The following GPR158 variants were observed in gnomAD, a reference collection of about 807,000 sequenced individuals.
The protein encoded by GPR158 is G protein-coupled receptor 158.
A neutral mutation model predicts 78.2 loss-of-function variants in GPR158; 30 were observed. That is an observed-to-expected ratio of 0.38 (90% CI 0.29 to 0.52). GPR158 has a LOEUF of 0.52. GPR158 is among the 20% of genes least tolerant of loss of function. The pLI, the probability that GPR158 is intolerant of heterozygous loss-of-function variation, is 0.83. For missense variants in GPR158, 1,463 were observed against 1,523.5 expected (o/e 0.96, Z 0.66); for synonymous variants, 581 against 591.1 (o/e 0.98, Z 0.25).
In GPR158 at chr10:25,431,195, G is replaced by C. The variant is rs1297576341; in HGVS notation, c.1335+18722G>C. ...AAAACAACCCCATCAAAAATTGGGC[G>C]AAGGACATGAACAGACAGTTCTCAA... is the stretch of plus-strand genomic sequence containing the variant. On this transcript the variant is annotated intron_variant, in intron 4 of 10. Coordinates refer to ENST00000376351, the MANE Select transcript of GPR158 (RefSeq NM_020752.3). 2.8e-5 allele frequency among the ~76,000 whole-genome samples: 2 copies of C among 71,352 alleles called. 1 individual carries two copies. The highest frequency in any genetic ancestry group is 8.5e-5 in the African/African-American group (2 of 23,608). The allele number at this position is 71,352 out of a possible 152,430, so 46.8% of individuals were successfully genotyped here. A position where few individuals can be genotyped will look rare whatever the true frequency, so the allele number is the denominator to read the frequency against.
rs1483788777 is a variant in GPR158 at position 25,598,959 on chromosome 10, T to C, written c.3333T>C (p.Asn1111=). The C allele has an allele frequency of 6.2e-7, 1 of 1,614,022 alleles. No homozygotes were observed. The highest frequency in any genetic ancestry group is 1.1e-5 in the South Asian group (1 of 91,074). The change falls in exon 11 of 11, where the codon AAT becomes AAC. Residue 1111 remains asparagine (N), a synonymous_variant. Coordinates refer to ENST00000376351, the MANE Select transcript of GPR158 (RefSeq NM_020752.3). The part of the protein sequence containing the change: ...EENGGQPRAA[N]VCAGQSEELP... ...ACGGAGGTCAGCCTCGTGCAGCCAA[T>C]GTGTGTGCTGGGCAGAGCGAAGAAC...
At chr10:25,243,764 T>C (rs180888996) in intron 2 of GPR158, among the ~76,000 whole-genome samples, 2 of 152,338 alleles carry the variant, frequency 1.3e-5, no homozygotes, top group East Asian at 3.9e-4. Flanking sequence ...AGAGATATGA[T>C]GCCTGAACTA....
chr10:25,296,602 A>G (rs981669934), intron 2 of GPR158, among the ~76,000 whole-genome samples: 2 of 151,948 alleles, frequency 1.3e-5, no homozygotes, highest in African/African-American at 2.4e-5. Flanking sequence ...TAGTACCAAA[A>G]TGAGTACCCA....
intron 5 of GPR158, among the ~76,000 whole-genome samples, chr10:25,497,028 G>A (rs1331440217): frequency 1.3e-5 from 2 of 152,148 alleles, no homozygotes; most frequent in African/African-American, 4.8e-5. Flanking sequence ...GGGCCAAGGA[G>A]GTGAGGAAAA....
chr10:25,516,937 A>C (rs1564477076), intron 5 of GPR158, among the ~76,000 whole-genome samples: 1 of 146,762 alleles, frequency 6.8e-6, no homozygotes, highest in Non-Finnish European at 1.5e-5. Context: ...TGGGGATGGC[A>C]TTGAATCTGC....
intron 5 of GPR158, among the ~76,000 whole-genome samples, chr10:25,493,011 A>C (rs1835832078): frequency 1.3e-5 from 2 of 152,068 alleles, no homozygotes; most frequent in Non-Finnish European, 2.9e-5. Context: ...TAGCATTTAC[A>C]AAGAGTAAAA....
chr10:25,307,993 A>G (rs1439927294), intron 2 of GPR158, among the ~76,000 whole-genome samples: 1 of 151,292 alleles, frequency 6.6e-6, no homozygotes, highest in Admixed American at 6.6e-5. Flanking sequence ...GTGATTTTAC[A>G]TTCATACCAG....
At position 25,241,193 on chromosome 10, in the gene GPR158, T is replaced by TCTTTCTTTC. The variant is rs1482492426; in HGVS notation, c.1008+20059_1008+20067dup. ...TCTTTCTTTCTTTCTTTCTTTCCTT[T>TCTTTCTTTC]CTTTCTTTCCTTTCTTTCCTTTCTT... On this transcript the variant is annotated intron_variant, in intron 2 of 10. Transcript: ENST00000376351. Among the ~76,000 whole-genome samples the TCTTTCTTTC allele has an allele frequency of 1.8e-3, 183 of 101,602 alleles. 1 individual carries two copies. The highest frequency in any genetic ancestry group is 6.7e-3 in the African/African-American group (119 of 17,892). The allele number at this position is 101,602 out of a possible 152,430, so 66.7% of individuals were successfully genotyped here.
At chr10:25,448,479 C>T (rs531406650) in intron 4 of GPR158, among the ~76,000 whole-genome samples, 2 of 152,228 alleles carry the variant, frequency 1.3e-5, no homozygotes, top group African/African-American at 4.8e-5. Flanking sequence ...GGAGTATTTA[C>T]TTTATGAATG....
intron 5 of GPR158, chr10:25,475,518 G>A (rs1835570981): frequency 1.3e-5 from 2 of 152,068 alleles, no homozygotes; most frequent in South Asian, 4.1e-4. Flanking sequence ...GAGATTAAAG[G>A]CGAAGAATAA....
In GPR158 at chr10:25,572,558, G is replaced by T. The variant is rs566168481; in HGVS notation, c.1515-91G>T. 6.9e-5 allele frequency: 60 copies of T among 872,390 alleles called. No homozygotes were observed. In the South Asian group the frequency reaches 7.8e-4, roughly 11 times the overall value. 54.0% of individuals were successfully genotyped at this position (872,390 alleles called of 1,614,324 possible). A position where few individuals can be genotyped will look rare whatever the true frequency, so the allele number is the denominator to read the frequency against. ...ACTCTGATTAGCTGGATTTTGGTGG[G>T]TTTACATTTTACCTAGAAAAATAAG... On this transcript the variant is annotated intron_variant, in intron 6 of 10. Transcript: ENST00000376351.
intron 5 of GPR158, among the ~76,000 whole-genome samples, chr10:25,483,432 C>T (rs1001526003): frequency 6.6e-6 from 1 of 152,110 alleles, no homozygotes; most frequent in African/African-American, 2.4e-5. Flanking sequence ...ACCCCGACTA[C>T]CCGACTTTAA....
intron 4 of GPR158, among the ~76,000 whole-genome samples, chr10:25,463,226 A>G (rs1161243473): frequency 6.6e-6 from 1 of 152,240 alleles, no homozygotes; most frequent in Non-Finnish European, 1.5e-5. Flanking sequence ...TCCTTAAGGC[A>G]AGTACATTAT....
rs1037227789 is a variant in GPR158, at chr10:25,412,123, G to C, written c.1112-127G>C. 4 of 687,162 alleles carry C rather than the reference G, an allele frequency of 5.8e-6. No homozygotes were observed. The East Asian group carries it at 1.0e-4, about 17-fold the overall frequency. 42.6% of individuals were successfully genotyped at this position (687,162 alleles called of 1,614,324 possible). On this transcript the variant is annotated intron_variant, in intron 3 of 10. Coordinates refer to ENST00000376351, the MANE Select transcript of GPR158 (RefSeq NM_020752.3). ...AAAGTAACTCCTTCCCCTAGCAAGAGGGTTGACAAAAGGTCTTTAATAAGT... is the reference window on the plus strand; with the variant it reads ...AAAGTAACTCCTTCCCCTAGCAAGACGGTTGACAAAAGGTCTTTAATAAGT...
intron 2 of GPR158, among the ~76,000 whole-genome samples, chr10:25,309,389 T>C (rs1312121199): frequency 2.1e-5 from 3 of 142,704 alleles, no homozygotes; most frequent in African/African-American, 3.0e-5. Flanking sequence ...CTTTGCCCAC[T>C]TTTGAATTCA....
intron 2 of GPR158, among the ~76,000 whole-genome samples, chr10:25,310,714 G>T (rs1588791219): frequency 6.6e-6 from 1 of 151,602 alleles, no homozygotes; most frequent in Non-Finnish European, 1.5e-5. Flanking sequence ...TGCATTTTTT[G>T]GACATTTATA....
chr10:25,521,174 C>G (rs7093822), intron 5 of GPR158, among the ~76,000 whole-genome samples: 20,626 of 152,276 alleles, frequency 0.14, 1,499 homozygotes, highest in African/African-American at 0.17. Flanking sequence ...AGGAAACTCC[C>G]TGACCCCTTG....
chr10:25,264,695 G>A (rs1339488672), intron 2 of GPR158, among the ~76,000 whole-genome samples: 3 of 152,150 alleles, frequency 2.0e-5, no homozygotes, highest in African/African-American at 7.2e-5. Flanking sequence ...CTTGGACACT[G>A]ATTGCTAAGC....
rs182021198 is a variant in GPR158, at chr10:25,309,511, A to G, written c.1009-86400A>G. 1.6e-4 allele frequency among the ~76,000 whole-genome samples: 24 copies of G among 151,942 alleles called. No individual in the cohort carries two copies. In the East Asian group the frequency reaches 4.1e-3, roughly 26 times the overall value. ...TCTGTTATTCCTTTACATTCTGTTG[A>G]TAGTGTCCTTTGCTGCAGAAAGCTT... On this transcript the variant is annotated intron_variant, in intron 2 of 10. Coordinates refer to ENST00000376351, the MANE Select transcript of GPR158 (RefSeq NM_020752.3).
Sources: allele counts gnomAD v4.1 joint callset (sites outside exome capture counted in the v4.1 genomes callset), GRCh38; gene constraint gnomAD v4.1.1; transcripts MANE v1.5; gene names NCBI Gene and HGNC (gene_info 2026-07-23, HGNC 2026-07-21).